Variants in DNM3 observed in about 807,000 individuals in gnomAD.
DNM3 encodes dynamin-3.
DNM3 carries 47 observed loss-of-function variants against 101.6 expected under a neutral mutation model. The ratio of observed to expected loss-of-function variants is 0.46; its 90% CI spans 0.37 to 0.59. The LOEUF (loss-of-function observed/expected upper bound fraction) is 0.59. Ranked by LOEUF, DNM3 falls within the 20% of genes least tolerant of loss-of-function variation. The pLI, the probability that DNM3 is intolerant of heterozygous loss-of-function variation, is 0.00. For synonymous variants in DNM3, 385 were observed against 387.9 expected (o/e 0.99, Z 0.09); for missense variants, 849 against 1,085.7 (o/e 0.78, Z 3.06).
chr1:172,353,774 A>C (rs2067300441), intron 17 of DNM3, among the ~76,000 whole-genome samples: 1 of 152,172 alleles, frequency 6.6e-6, no homozygotes, highest in Admixed American at 6.5e-5. Context: ...AGCTGGTCTA[A>C]AGTTCAAAAC....
At chr1:172,256,368 A>T (rs2062398984) in intron 15 of DNM3, among the ~76,000 whole-genome samples, 1 of 152,012 alleles carries the variant, frequency 6.6e-6, no homozygotes, top group Non-Finnish European at 1.5e-5. Context: ...TTAACTAGTG[A>T]TTGAATATAT....
chr1:172,208,263 A>G (rs1341685312), intron 14 of DNM3, among the ~76,000 whole-genome samples: 1 of 152,116 alleles, frequency 6.6e-6, no homozygotes. Context: ...TACTTCTAAA[A>G]TCAGTCCTCA....
chr1:172,270,145 G>C (rs2063027887), intron 15 of DNM3, among the ~76,000 whole-genome samples: 2 of 151,814 alleles, frequency 1.3e-5, no homozygotes, highest in South Asian at 4.2e-4. Context: ...TTCAGTTAGA[G>C]TTGAATAATG....
intron 17 of DNM3, chr1:172,378,103 A>C (rs973946011): frequency 6.6e-6 from 1 of 152,088 alleles, no homozygotes; most frequent in Non-Finnish European, 1.5e-5. Flanking sequence ...CAAATGCTAG[A>C]AAGTAGCCAG....
intron 4 of DNM3, among the ~76,000 whole-genome samples, chr1:172,015,545 G>T (rs1159352014): frequency 6.6e-6 from 1 of 151,986 alleles, no homozygotes; most frequent in African/African-American, 2.4e-5. Flanking sequence ...AAATAGTAAT[G>T]TACTTTTAAT....
chr1:172,165,209 A>G (rs1052098917), intron 14 of DNM3, among the ~76,000 whole-genome samples: 4 of 152,070 alleles, frequency 2.6e-5, no homozygotes, highest in African/African-American at 9.6e-5. Flanking sequence ...GAAACTCTCT[A>G]CTATTCTTCC....
intron 1 of DNM3, among the ~76,000 whole-genome samples, chr1:171,909,571 G>A (rs1295470911): frequency 6.6e-6 from 1 of 152,154 alleles, no homozygotes; most frequent in Non-Finnish European, 1.5e-5. Flanking sequence ...ATGATGTGGT[G>A]AGGTTACAGC....
At chr1:172,376,037 A>G (rs1055968251) in intron 17 of DNM3, 5 of 152,070 alleles carry the variant, frequency 3.3e-5, no homozygotes, top group African/African-American at 1.2e-4. Context: ...TGTTTTAAAT[A>G]ACTTAAAACT....
intron 18 of DNM3, chr1:172,380,943 T>A (rs145890981): frequency 6.8e-6 from 1 of 146,900 alleles, no homozygotes; most frequent in Non-Finnish European, 1.5e-5. Context: ...TTCCTGCCTA[T>A]AGCTGTGAGG....
Position 172,388,719 on chromosome 1 carries a change from C to T in DNM3, c.2432C>T (p.Pro811Leu), listed in dbSNP as rs751261776. The change falls in exon 20 of 21, where the codon CCA (proline) becomes CTA (leucine). Residue 811 changes from proline to leucine, a missense_variant. This residue lies in a region of DNM3 where 256 missense variants were observed against 311.7 expected (regional missense o/e 0.82). Coordinates refer to ENST00000627582, the MANE Select transcript of DNM3 (RefSeq NM_015569.5). ...GAPPVPFRPGPLPPFPSSSDS... is the reference protein window; with the variant it reads ...GAPPVPFRPGLLPPFPSSSDS... ...CCTCCAGTCCCATTCCGTCCAGGCC[C>T]ATTACCTCCTTTCCCCAGCAGCAGT... The T allele has an allele frequency of 2.5e-6, 4 of 1,613,678 alleles. No homozygotes were observed. In the South Asian group the frequency reaches 4.4e-5, roughly 18 times the overall value.
At chr1:172,290,663 G>A (rs1250831511) in intron 15 of DNM3, among the ~76,000 whole-genome samples, 1 of 152,138 alleles carries the variant, frequency 6.6e-6, no homozygotes, top group African/African-American at 2.4e-5. Context: ...TCAAGAAGAT[G>A]TTATAAGTTG....
chr1:172,354,110 T>TGAGAGAGAGAGA (rs1445200263), intron 17 of DNM3, among the ~76,000 whole-genome samples: 2,117 of 52,294 alleles, frequency 0.04, 33 homozygotes, highest in East Asian at 0.1. Context: ...TGTGTGTGTG[T>TGAGAGAGAGAGA]GTGAGAGAGA....
At chr1:172,018,981 C>CTCCT (rs2047637738) in intron 4 of DNM3, among the ~76,000 whole-genome samples, 2 of 146,916 alleles carry the variant, frequency 1.4e-5, no homozygotes, top group African/African-American at 5.0e-5. Context: ...CCCTCCCTCC[C>CTCCT]TCCTTCCTTC....
intron 14 of DNM3, among the ~76,000 whole-genome samples, chr1:172,176,034 T>C (rs1286728348): frequency 1.3e-5 from 2 of 151,802 alleles, no homozygotes; most frequent in Non-Finnish European, 2.9e-5. Flanking sequence ...TTTGAATCCG[T>C]AGAACCTGTA....
chr1:171,980,569 C>A (rs1399413844), intron 2 of DNM3, among the ~76,000 whole-genome samples: 1 of 152,048 alleles, frequency 6.6e-6, no homozygotes, highest in Non-Finnish European at 1.5e-5. Flanking sequence ...TCTAGCTGTA[C>A]TTTTGTATCT....
chr1:172,367,462 A>G (rs1433893379), intron 17 of DNM3, among the ~76,000 whole-genome samples: 1 of 151,912 alleles, frequency 6.6e-6, no homozygotes, highest in African/African-American at 2.4e-5. Flanking sequence ...AAGGGAAAGG[A>G]ATTTAATCTT....
At chr1:172,400,297 G>A (rs565048523) in intron 20 of DNM3, among the ~76,000 whole-genome samples, 3 of 152,122 alleles carry the variant, frequency 2.0e-5, no homozygotes, top group African/African-American at 7.2e-5. Flanking sequence ...AGAAGGGTCA[G>A]AAAAAGGTTT....
At chr1:172,248,454 C>A (rs1264583581) in intron 14 of DNM3, among the ~76,000 whole-genome samples, 1 of 152,056 alleles carries the variant, frequency 6.6e-6, no homozygotes, top group East Asian at 1.9e-4. Flanking sequence ...AACTTCCAAT[C>A]TGTGCTTGAA....
intron 17 of DNM3, among the ~76,000 whole-genome samples, chr1:172,361,577 A>G (rs1165761205): frequency 1.3e-5 from 2 of 151,954 alleles, no homozygotes; most frequent in African/African-American, 4.8e-5. Context: ...TTCACCCCAG[A>G]CCAATTAAAT....
Sources: allele counts gnomAD v4.1 joint callset (sites outside exome capture counted in the v4.1 genomes callset), GRCh38; gene constraint gnomAD v4.1.1; regional missense constraint gnomAD v4.1.1; transcripts MANE v1.5; gene names NCBI Gene and HGNC (gene_info 2026-07-23, HGNC 2026-07-21).